Variants in OVOL1 observed in about 807,000 individuals in gnomAD.
The protein encoded by OVOL1 is putative transcription factor Ovo-like 1.
Under a neutral mutation model 21.5 loss-of-function variants are expected in OVOL1, and 10 were observed. The ratio of observed to expected loss-of-function variants is 0.46; its 90% CI spans 0.29 to 0.79. The LOEUF is 0.79. OVOL1 is among the 30% of genes least tolerant of loss of function. The pLI is 0.10. For synonymous variants in OVOL1, 129 were observed against 150.3 expected (o/e 0.86, Z 1.03); for missense variants, 279 against 362.3 (o/e 0.77, Z 1.87).
Position 65,794,958 on chromosome 11 carries a change from G to C in OVOL1, c.509-88G>C, listed in dbSNP as rs1343979447. The C allele has an allele frequency of 2.9e-6, 4 of 1,387,262 alleles. No individual in the cohort carries two copies. In the East Asian group the frequency reaches 9.8e-5, roughly 34 times the overall value. 85.9% of individuals were successfully genotyped at this position (1,387,262 alleles called of 1,614,324 possible). On this transcript the variant is annotated intron_variant, in intron 3 of 3. Coordinates refer to ENST00000335987, the MANE Select transcript of OVOL1 (RefSeq NM_004561.4). ...GTCCATCCCTTGGCCCTAGAGGCAGGGGTCCTGTCCTTTCTGTGTCTGGAA... is the reference window on the plus strand; with the variant it reads ...GTCCATCCCTTGGCCCTAGAGGCAGCGGTCCTGTCCTTTCTGTGTCTGGAA...
chr11:65,794,697 G>A lies in OVOL1; in HGVS notation c.478G>A (p.Asp160Asn). 1 of 1,613,598 alleles carries A rather than the reference G, an allele frequency of 6.2e-7. No individual in the cohort carries two copies. The highest frequency in any genetic ancestry group is 8.5e-7 in the Non-Finnish European group (1 of 1,180,024). The part of the protein sequence containing the change: ...YCGKGFNDTF[D>N]LKRHVRTHTG... ...CGGGAAGGGCTTCAATGACACCTTC[G>A]ACCTCAAGAGACACGTCCGAACTCA... Residue 160 changes from aspartate (D) to asparagine (N), a missense_variant, in exon 3 of 4, where the codon GAC becomes AAC. Coordinates refer to ENST00000335987, the MANE Select transcript of OVOL1 (RefSeq NM_004561.4).
chr11:65,791,964 TG>T (rs1435061068), intron 1 of OVOL1, among the ~76,000 whole-genome samples: 5 of 152,160 alleles, frequency 3.3e-5, no homozygotes, highest in African/African-American at 7.2e-5. Context: ...GACACGCTCA[TG>T]GGGGTGGCAG....
intron 1 of OVOL1, 60 bp downstream of exon 1, chr11:65,787,533 G>C: frequency 8.9e-7 from 1 of 1,123,866 alleles, no homozygotes; most frequent in Non-Finnish European, 1.2e-6. Flanking sequence ...GCTGCGGGCG[G>C]GCGGGCGGGC....
chr11:65,789,705 C>T (rs1857971564), intron 1 of OVOL1: 1 of 985,074 alleles, frequency 1.0e-6, no homozygotes, highest in African/African-American at 1.7e-5. Flanking sequence ...TAAGTTGTGA[C>T]CAGCTAAGCG....
chr11:65,787,392 G>C lies in OVOL1; in HGVS notation c.19G>C (p.Val7Leu), dbSNP rs748499072. MPRAFLVKKPCVSTCKR... is the reference protein window; with the variant it reads MPRAFLLKKPCVSTCKR... Reference sequence around the variant, plus strand: ...TTCGAAAATGCCCCGCGCGTTCCTGGTGAAGAAGCCGTGCGTCTCCACGTG... The same window carrying C: ...TTCGAAAATGCCCCGCGCGTTCCTGCTGAAGAAGCCGTGCGTCTCCACGTG... Residue 7 changes from valine to leucine, a missense_variant, in exon 1 of 4, where the codon GTG (valine) becomes CTG (leucine). Transcript: ENST00000335987. 4 of 1,593,122 alleles carry C rather than the reference G, an allele frequency of 2.5e-6. No homozygotes were observed. The South Asian group carries it at 4.5e-5, about 18-fold the overall frequency.
intron 1 of OVOL1, chr11:65,789,343 G>T (rs972515939): frequency 6.5e-6 from 1 of 154,132 alleles, no homozygotes; most frequent in Non-Finnish European, 1.4e-5. Flanking sequence ...GAGACCTGCC[G>T]GCTTCTCTGT....
intron 1 of OVOL1, among the ~76,000 whole-genome samples, chr11:65,793,556 C>T (rs1029604008): frequency 6.6e-6 from 1 of 152,304 alleles, no homozygotes; most frequent in African/African-American, 2.4e-5. Context: ...GCTAGGACCA[C>T]CCAAACCCCC....
intron 1 of OVOL1, 136 bp from the exon 2 acceptor site, chr11:65,793,895 C>G (rs1858072578): frequency 5.9e-6 from 4 of 675,046 alleles, no homozygotes; most frequent in Non-Finnish European, 1.0e-5. Context: ...TCGGGGCAGC[C>G]CCGCTCTGCT....
chr11:65,788,012 G>A (rs1219762569), intron 1 of OVOL1, among the ~76,000 whole-genome samples: 4 of 152,164 alleles, frequency 2.6e-5, no homozygotes, highest in Admixed American at 6.5e-5. Flanking sequence ...CGGGCCGGTG[G>A]GGGGCGTGGG....
At position 65,795,221 on chromosome 11, in the gene OVOL1, C is replaced by T. The variant is rs147605504; in HGVS notation, c.684C>T (p.His228=). Residue 228 remains histidine (H), a synonymous_variant, in exon 4 of 4, where the codon CAC becomes CAT. Coordinates refer to ENST00000335987, the MANE Select transcript of OVOL1 (RefSeq NM_004561.4). The surrounding 1 kb of genome is among the most constrained non-coding windows in gnomAD (Gnocchi z 5.7). Reference sequence around the variant, plus strand: ...GCACATCTGAGAGCCAGGAGGGCCACGTCCTGCACCTGAAGGAGCACCACC... The same window carrying T: ...GCACATCTGAGAGCCAGGAGGGCCATGTCCTGCACCTGAAGGAGCACCACC... ...CGCTSESQEG[H]VLHLKEHHPD... 108 of 1,613,404 alleles carry T rather than the reference C, an allele frequency of 6.7e-5. No individual in the cohort carries two copies. In the African/African-American group the frequency reaches 9.1e-4, roughly 14 times the overall value.
Position 65,794,541 on chromosome 11 carries a change from A to C in OVOL1, c.322A>C (p.Thr108Pro), listed in dbSNP as rs772740163. 1.9e-6 allele frequency: 3 copies of C among 1,611,922 alleles called. No individual in the cohort carries two copies. In the Admixed American group the frequency reaches 5.0e-5, roughly 27 times the overall value. ...GCAATGCCGTCCTCACCCACAGGTG[A>C]CCCTTGGGGACAGTCCCAGTGGAGA... Reference protein sequence around the residue: ...HGFLRTKMKVTLGDSPSGDLF... With the variant: ...HGFLRTKMKVPLGDSPSGDLF... The change falls in exon 3 of 4, where the codon ACC becomes CCC. Residue 108 changes from threonine to proline, a missense_variant. Thr to Pro is a conservative substitution (Grantham distance 38). Coordinates refer to ENST00000335987, the MANE Select transcript of OVOL1 (RefSeq NM_004561.4).
Position 65,795,072 on chromosome 11 carries a change from T to C in OVOL1, c.535T>C (p.Cys179Arg). 6.2e-7 allele frequency: 1 copy of C among 1,613,314 alleles called. No homozygotes were observed. The highest frequency in any genetic ancestry group is 8.5e-7 in the Non-Finnish European group (1 of 1,179,972). The change falls in exon 4 of 4, where the codon TGT becomes CGT. Residue 179 changes from cysteine to arginine, a missense_variant. Physicochemically the swap from Cys to Arg is radical, Grantham distance 180. Transcript: ENST00000335987. The surrounding 1 kb of genome is among the most constrained non-coding windows in gnomAD (Gnocchi z 5.7). ...TGVRPYKCSL[C>R]DKAFTQRCSL... ...CGTGCGGCCCTACAAGTGCAGCCTG[T>C]GTGACAAGGCCTTCACGCAGCGCTG...
intron 1 of OVOL1, among the ~76,000 whole-genome samples, chr11:65,792,039 G>A (rs970654122): frequency 2.6e-5 from 4 of 152,184 alleles, no homozygotes; most frequent in South Asian, 2.1e-4. Flanking sequence ...GCGGGTGGCC[G>A]CCCATCCAGC....
rs1366143550 is a variant in OVOL1, at chr11:65,787,385, G to A, written c.12G>A (p.Ala4=). Residue 4 remains alanine (A), a synonymous_variant, in exon 1 of 4, where the codon GCG becomes GCA. Transcript: ENST00000335987. Reference sequence around the variant, plus strand: ...ACGAGGGTTCGAAAATGCCCCGCGCGTTCCTGGTGAAGAAGCCGTGCGTCT... The same window carrying A: ...ACGAGGGTTCGAAAATGCCCCGCGCATTCCTGGTGAAGAAGCCGTGCGTCT... MPR[A]FLVKKPCVST... The A allele has an allele frequency of 1.9e-5, 31 of 1,589,904 alleles. No homozygotes were observed. Among genetic ancestry groups the A allele is most frequent in the Non-Finnish European group, 2.1e-5 (25 of 1,168,644 alleles).
At chr11:65,790,433 G>A (rs56164300) in intron 1 of OVOL1, 22,149 of 152,274 alleles carry the variant, frequency 0.15, 2,033 homozygotes, top group Non-Finnish European at 0.21. Flanking sequence ...CAGGCTGGGC[G>A]GTGGGACACT....
chr11:65,791,060 G>A (rs1858006737), intron 1 of OVOL1, among the ~76,000 whole-genome samples: 1 of 152,224 alleles, frequency 6.6e-6, no homozygotes, highest in South Asian at 2.1e-4. Context: ...ACCCTGGCGC[G>A]AGGGCCGAGG....
Position 65,787,452 on chromosome 11 carries a change from C to T in OVOL1, c.79C>T (p.Arg27Cys). The stretch of plus-strand genomic sequence containing the variant: ...CTGGAGCGAGCTCCCCGACGAGGAG[C>T]GCGGCGAGATCTACGTGCCAGGTGA... Reference protein sequence around the residue: ...RNWSELPDEERGEIYVPVSLG... With the variant: ...RNWSELPDEECGEIYVPVSLG... Residue 27 changes from arginine to cysteine, a missense_variant, in exon 1 of 4, where the codon CGC becomes TGC. By Grantham distance (180) the Arg-to-Cys change is radical. Coordinates refer to ENST00000335987, the MANE Select transcript of OVOL1 (RefSeq NM_004561.4). 2 of 1,578,616 alleles carry T rather than the reference C, an allele frequency of 1.3e-6. No individual in the cohort carries two copies. The highest frequency in any genetic ancestry group is 1.7e-6 in the Non-Finnish European group (2 of 1,162,184).
chr11:65,793,237 T>C (rs1487831483), intron 1 of OVOL1, among the ~76,000 whole-genome samples: 1 of 152,142 alleles, frequency 6.6e-6, no homozygotes, highest in African/African-American at 2.4e-5. Context: ...CCCCGGCCCG[T>C]TCGGTGTGAG....
At chr11:65,789,317 C>A in intron 1 of OVOL1, 1 of 157,458 alleles carries the variant, frequency 6.4e-6, no homozygotes, top group Non-Finnish European at 1.4e-5. Flanking sequence ...CACCCGCTGG[C>A]ACCATCCAGG....
Sources: allele counts gnomAD v4.1 joint callset (sites outside exome capture counted in the v4.1 genomes callset), GRCh38; gene constraint gnomAD v4.1.1; non-coding constraint Gnocchi (gnomAD v3.1); transcripts MANE v1.5; gene names NCBI Gene and HGNC (gene_info 2026-07-23, HGNC 2026-07-21).